TENM4: variants seen among roughly 807,000 people sequenced by gnomAD.
The protein encoded by TENM4 is teneurin transmembrane protein 4.
TENM4 carries 82 observed loss-of-function variants against 243.3 expected under a neutral mutation model. The ratio of observed to expected loss-of-function variants is 0.34; its 90% confidence interval spans 0.28 to 0.40. The LOEUF (loss-of-function observed/expected upper bound fraction) is 0.40, where lower values mean the gene tolerates loss of function less well. TENM4 is among the 10% of genes least tolerant of loss of function. The pLI, the probability that TENM4 is intolerant of heterozygous loss-of-function variation, is 1.00. For missense variants in TENM4, 3,138 were observed against 3,673.3 expected, an observed-to-expected ratio of 0.85 and a Z score of 3.77; for synonymous variants, 1,412 against 1,456.3, an observed-to-expected ratio of 0.97 and a Z score of 0.69.
intron 3 of TENM4, among the ~76,000 whole-genome samples, chr11:79,151,462 A>G (rs1862510615): frequency 6.6e-6 from 1 of 152,176 alleles, no homozygotes; most frequent in African/African-American, 2.4e-5. Context: ...TTGAAAAAAT[A>G]ATCATACTAT....
chr11:78,827,185 A>C (rs1857872758), intron 12 of TENM4, among the ~76,000 whole-genome samples: 1 of 152,242 alleles, frequency 6.6e-6, no homozygotes, highest in Non-Finnish European at 1.5e-5. Context: ...ATAATTTTTG[A>C]AATAGAGTCT....
At chr11:78,745,019 A>G (rs879299286) in intron 19 of TENM4, among the ~76,000 whole-genome samples, 5 of 152,186 alleles carry the variant, frequency 3.3e-5, no homozygotes, top group Non-Finnish European at 5.9e-5. Flanking sequence ...TATTAGTATT[A>G]TCTTCCATTT....
chr11:79,182,675 G>C (rs1436042497), intron 3 of TENM4, among the ~76,000 whole-genome samples: 2 of 152,086 alleles, frequency 1.3e-5, no homozygotes, highest in Non-Finnish European at 2.9e-5. Flanking sequence ...AGACTATCTA[G>C]TGAAGGACTG....
chr11:79,045,669 G>A (rs1036850343), intron 6 of TENM4, among the ~76,000 whole-genome samples: 1 of 151,832 alleles, frequency 6.6e-6, no homozygotes, highest in Non-Finnish European at 1.5e-5. Context: ...TGCTGCTGCA[G>A]AAGCAGCTTC....
chr11:78,991,160 A>C (rs887973973), intron 6 of TENM4, among the ~76,000 whole-genome samples: 2 of 152,180 alleles, frequency 1.3e-5, no homozygotes, highest in Non-Finnish European at 2.9e-5. Context: ...ACCGGCACTG[A>C]ATACACTGAA....
chr11:79,117,259 A>T (rs1157017289), intron 4 of TENM4, among the ~76,000 whole-genome samples: 1 of 152,192 alleles, frequency 6.6e-6, no homozygotes, highest in Non-Finnish European at 1.5e-5. Flanking sequence ...CGTCAGAGAC[A>T]GGCACATAAT....
chr11:79,211,042 C>T (rs1863944890), intron 3 of TENM4, among the ~76,000 whole-genome samples: 1 of 152,134 alleles, frequency 6.6e-6, no homozygotes, highest in East Asian at 1.9e-4. Context: ...ACACCTGCAA[C>T]CACTCTTCTG....
rs1026728144 is a variant in TENM4, at chr11:79,438,016, A to C, written c.-321+2493T>G. ...CCGAAGGGCCCCACAGGTCTGCGGG[A>C]GGGAGGATTTATTTTACAGCAAGGA... On this transcript the variant is annotated intron_variant, in intron 1 of 33. Transcript: ENST00000278550. The surrounding 1 kb of genome is among the most constrained non-coding windows in gnomAD (Gnocchi z 4.1). 6.6e-6 allele frequency among the ~76,000 whole-genome samples: 1 copy of C among 152,054 alleles called. No individual in the cohort carries two copies. The highest frequency in any genetic ancestry group is 2.4e-5 in the African/African-American group (1 of 41,404).
intron 6 of TENM4, among the ~76,000 whole-genome samples, chr11:78,938,676 G>A (rs377661999): frequency 1.1e-4 from 16 of 152,102 alleles, no homozygotes; most frequent in Non-Finnish European, 1.5e-4. Flanking sequence ...TATTCTGCTC[G>A]TCTCATTTGT....
intron 18 of TENM4, among the ~76,000 whole-genome samples, chr11:78,766,072 GGA>G (rs376056310): frequency 3.3e-4 from 50 of 152,288 alleles, no homozygotes; most frequent in African/African-American, 1.1e-3. Context: ...GATTGCAGGT[GGA>G]GAGAAGCAGG....
chr11:78,748,669 A>G (rs1169758381), intron 19 of TENM4, among the ~76,000 whole-genome samples: 1 of 152,162 alleles, frequency 6.6e-6, no homozygotes, highest in Non-Finnish European at 1.5e-5. Context: ...GGCCCAGATT[A>G]CTTAAATTCT....
Position 78,688,076 on chromosome 11 carries a change from G to T in TENM4, c.5238C>A (p.Gly1746=). 6.2e-7 allele frequency: 1 copy of T among 1,613,622 alleles called. No homozygotes were observed. The highest frequency in any genetic ancestry group is 1.1e-5 in the South Asian group (1 of 91,018). The change falls in exon 29 of 34, where the codon GGC becomes GGA. Residue 1746 remains glycine, a synonymous_variant. Coordinates refer to ENST00000278550, the MANE Select transcript of TENM4 (RefSeq NM_001098816.3). ...VTITTNLSAS[G]AFYTLLQDQV... is the part of the protein sequence containing the mutation. ...TACCTTGCAGCAGTGTGTAGAAGGC[G>T]CCTGAGGCAGACAGGTTGGTGGTTA...
chr11:79,250,786 G>A (rs1855596941), intron 2 of TENM4, among the ~76,000 whole-genome samples: 1 of 152,222 alleles, frequency 6.6e-6, no homozygotes, highest in African/African-American at 2.4e-5. Flanking sequence ...ACAACAACTT[G>A]CTAGGCGAAG....
chr11:79,223,777 C>A (rs974247499), intron 2 of TENM4, among the ~76,000 whole-genome samples: 2 of 152,186 alleles, frequency 1.3e-5, no homozygotes, highest in African/African-American at 2.4e-5. Flanking sequence ...CTGGGCAGCA[C>A]CCCATCATAT....
At chr11:79,076,831 G>C (rs1371957197) in intron 4 of TENM4, among the ~76,000 whole-genome samples, 1 of 152,066 alleles carries the variant, frequency 6.6e-6, no homozygotes, top group Non-Finnish European at 1.5e-5. Flanking sequence ...TTGGTACTGT[G>C]TAAATTATTT....
chr11:79,141,958 T>C (rs988653715), intron 4 of TENM4, among the ~76,000 whole-genome samples: 13 of 152,030 alleles, frequency 8.6e-5, no homozygotes, highest in African/African-American at 3.1e-4. Flanking sequence ...ATAAAAATTC[T>C]AAAAAACTTG....
intron 6 of TENM4, among the ~76,000 whole-genome samples, chr11:79,019,684 T>C (rs763088162): frequency 3.9e-5 from 6 of 152,190 alleles, no homozygotes; most frequent in Non-Finnish European, 7.4e-5. Flanking sequence ...GTGCTAGAAG[T>C]TGAGGCTACA....
chr11:78,931,811 C>T (rs191449533), intron 6 of TENM4, among the ~76,000 whole-genome samples: 59 of 152,272 alleles, frequency 3.9e-4, no homozygotes, highest in African/African-American at 1.3e-3. Flanking sequence ...TAATGAAACG[C>T]TGTGCTTTAG....
chr11:79,001,582 G>C (rs201876116), intron 6 of TENM4, among the ~76,000 whole-genome samples: 1 of 152,192 alleles, frequency 6.6e-6, no homozygotes, highest in Non-Finnish European at 1.5e-5. Flanking sequence ...TTTGGTGCAG[G>C]AACATCTGCA....
Sources: gnomAD v4.1 joint callset for allele counts (sites outside exome capture counted in the v4.1 genomes callset) on GRCh38, gnomAD v4.1.1 for gene constraint, Gnocchi (gnomAD v3.1) non-coding constraint, MANE v1.5 for transcripts, NCBI Gene and HGNC (gene_info 2026-07-23, HGNC 2026-07-21) for gene names.